The following CMTM8 variants were observed in gnomAD, a reference collection of about 807,000 sequenced individuals.
CMTM8 encodes CKLF like MARVEL transmembrane domain containing 8, also known as CKLF-like MARVEL transmembrane domain-containing protein 8.
Under a neutral mutation model 18.6 loss-of-function variants are expected in CMTM8, and 12 were observed. The ratio of observed to expected loss-of-function variants is 0.65; its 90% CI spans 0.41 to 1.05. The LOEUF (loss-of-function observed/expected upper bound fraction) is 1.05. CMTM8 is among the 50% of genes least tolerant of loss of function. The probability of loss-of-function intolerance (pLI) is 0.00; values close to 1 mark genes in which losing one functional copy is unlikely to be tolerated. For synonymous variants in CMTM8, 87 were observed against 90.6 expected (o/e 0.96, Z 0.23); for missense variants, 217 against 227.2 (o/e 0.95, Z 0.29).
At chr3:32,323,707 G>C (rs1696103812) in intron 1 of CMTM8, among the ~76,000 whole-genome samples, 1 of 152,180 alleles carries the variant, frequency 6.6e-6, no homozygotes, top group African/African-American at 2.4e-5. Context: ...TAACTCTAGA[G>C]ATGGCCAAAG....
At chr3:32,239,226 A>G in intron 1 of CMTM8, 107 bp downstream of exon 1, 1 of 1,300,780 alleles carries the variant, frequency 7.7e-7, no homozygotes, top group South Asian at 1.4e-5. Flanking sequence ...CGCGGGCTTT[A>G]GGGAACCGTT....
At chr3:32,346,614 CT>C (rs5847756) in intron 1 of CMTM8, among the ~76,000 whole-genome samples, 147,665 of 152,108 alleles carry the variant, frequency 0.97, 71,842 homozygotes, top group East Asian at 1. Context: ...AGGAAGCTCT[CT>C]TGGTGTCCCT....
At chr3:32,307,070 G>T (rs571037485) in intron 1 of CMTM8, among the ~76,000 whole-genome samples, 1 of 151,400 alleles carries the variant, frequency 6.6e-6, no homozygotes, top group South Asian at 2.1e-4. Context: ...AGCTGGGCAT[G>T]GTTGTGGATG....
At chr3:32,340,474 T>G (rs962805353) in intron 1 of CMTM8, among the ~76,000 whole-genome samples, 8 of 152,220 alleles carry the variant, frequency 5.3e-5, no homozygotes, top group Admixed American at 3.9e-4. Flanking sequence ...TTGTATAATC[T>G]TCTCTGGCTT....
intron 1 of CMTM8, among the ~76,000 whole-genome samples, chr3:32,320,158 C>T (rs1478588329): frequency 2.6e-5 from 4 of 152,182 alleles, no homozygotes; most frequent in Admixed American, 2.0e-4. Flanking sequence ...AACATATGCT[C>T]ACACAAAAAC....
intron 1 of CMTM8, among the ~76,000 whole-genome samples, chr3:32,266,325 T>A (rs1702343260): frequency 1.3e-5 from 2 of 152,066 alleles, no homozygotes; most frequent in South Asian, 2.1e-4. Flanking sequence ...AACATAATCC[T>A]GCATATAAAC....
At chr3:32,346,566 G>A (rs1157960043) in intron 1 of CMTM8, among the ~76,000 whole-genome samples, 1 of 152,098 alleles carries the variant, frequency 6.6e-6, no homozygotes, top group Non-Finnish European at 1.5e-5. Flanking sequence ...GTCTTTACAT[G>A]GCCTCACTCT....
At chr3:32,344,908 C>G (rs537191443) in intron 1 of CMTM8, among the ~76,000 whole-genome samples, 6 of 151,904 alleles carry the variant, frequency 3.9e-5, no homozygotes, top group Non-Finnish European at 7.4e-5. Context: ...AACAAAAAAC[C>G]TGACATTTGT....
At chr3:32,357,200 CTCCATGG>C (rs1488462478) in intron 1 of CMTM8, among the ~76,000 whole-genome samples, 166 bp from the exon 2 acceptor site, 2 of 152,168 alleles carry the variant, frequency 1.3e-5, no homozygotes, top group African/African-American at 4.8e-5. Flanking sequence ...GCCAAGATTG[CTCCATGG>C]CACTCTAGCC....
chr3:32,316,207 T>C (rs1695927659), intron 1 of CMTM8, among the ~76,000 whole-genome samples: 1 of 151,896 alleles, frequency 6.6e-6, no homozygotes, highest in Non-Finnish European at 1.5e-5. Context: ...TTTTGTATTT[T>C]TAGTAGAGAC....
At chr3:32,282,759 C>T (rs1462986413) in intron 1 of CMTM8, among the ~76,000 whole-genome samples, 2 of 152,158 alleles carry the variant, frequency 1.3e-5, no homozygotes, top group African/African-American at 4.8e-5. Context: ...CCTCCCTTAC[C>T]TCTCTGACCT....
intron 1 of CMTM8, among the ~76,000 whole-genome samples, chr3:32,326,704 C>T (rs946847912): frequency 2.6e-5 from 4 of 151,692 alleles, no homozygotes; most frequent in Admixed American, 6.6e-5. Flanking sequence ...TTAGTAGAGA[C>T]GGGGTTTCAC....
intron 1 of CMTM8, among the ~76,000 whole-genome samples, chr3:32,341,022 C>T (rs1696481224): frequency 6.6e-6 from 1 of 152,252 alleles, no homozygotes; most frequent in South Asian, 2.1e-4. Flanking sequence ...GAGCAGCATG[C>T]TCTCTAACTT....
intron 1 of CMTM8, among the ~76,000 whole-genome samples, chr3:32,331,093 T>C (rs1575179838): frequency 6.6e-6 from 1 of 152,098 alleles, no homozygotes; most frequent in East Asian, 1.9e-4. Context: ...ATCCAGAATA[T>C]ATAAAGAACT....
At position 32,265,984 on chromosome 3, in the gene CMTM8, T is replaced by A. The variant is rs917487937; in HGVS notation, c.147+26865T>A. On this transcript the variant is annotated intron_variant, in intron 1 of 3. Coordinates refer to ENST00000307526, the MANE Select transcript of CMTM8 (RefSeq NM_178868.5). ...TTAATAGCTTACCAACCAAAAAAAG[T>A]CCAGGACCAGATGGATTCACAGCCG... is the stretch of plus-strand genomic sequence containing the variant. Among the ~76,000 whole-genome samples the A allele has an allele frequency of 1.2e-4, 18 of 152,146 alleles. No individual in the cohort carries two copies. In the East Asian group the frequency reaches 3.1e-3, roughly 26 times the overall value.
chr3:32,279,151 TTTC>T (rs1315765317), intron 1 of CMTM8, among the ~76,000 whole-genome samples: 2 of 143,638 alleles, frequency 1.4e-5, no homozygotes. Context: ...GTTCTGTATT[TTTC>T]TTATAATTAG....
At chr3:32,259,782 T>A (rs34009828) in intron 1 of CMTM8, 107,858 of 848,334 alleles carry the variant, frequency 0.13, 8,339 homozygotes, top group African/African-American at 0.3. Flanking sequence ...ACCACAGTGG[T>A]CACCACACAG....
intron 1 of CMTM8, among the ~76,000 whole-genome samples, chr3:32,240,590 T>G (rs913020629): frequency 6.6e-6 from 1 of 152,170 alleles, no homozygotes; most frequent in Non-Finnish European, 1.5e-5. Context: ...ACTGCGCTTT[T>G]TCAGGAAATA....
chr3:32,319,074 A>ATATATTTTTTTTTTTTTTT lies in CMTM8; in HGVS notation c.148-38298_148-38297insATATTTTTTTTTTTTTTTT. On this transcript the variant is annotated intron_variant, in intron 1 of 3. Coordinates refer to ENST00000307526, the MANE Select transcript of CMTM8 (RefSeq NM_178868.5). ...TGTATATACATATATATATATATAT[A>ATATATTTTTTTTTTTTTTT]TTTTTTTTTTTTTTTTTTTTTGAGA... Among the ~76,000 whole-genome samples the ATATATTTTTTTTTTTTTTT allele has an allele frequency of 3.8e-4, 12 of 31,532 alleles. 1 individual carries two copies. Among genetic ancestry groups the ATATATTTTTTTTTTTTTTT allele is most frequent in the Non-Finnish European group, 4.6e-4 (9 of 19,618 alleles). 20.7% of individuals were successfully genotyped at this position (31,532 alleles called of 152,430 possible). A position where few individuals can be genotyped will look rare whatever the true frequency, so the allele number is the denominator to read the frequency against.
Sources: allele counts gnomAD v4.1 joint callset (sites outside exome capture counted in the v4.1 genomes callset), GRCh38; gene constraint gnomAD v4.1.1; transcripts MANE v1.5; gene names NCBI Gene and HGNC (gene_info 2026-07-23, HGNC 2026-07-21).